The following LDB2 variants were observed in gnomAD, a reference collection of about 807,000 sequenced individuals.
The protein encoded by LDB2 is LIM domain binding 2.
In LDB2, 12 loss-of-function variants were observed where a neutral mutation model predicts 44.3. The ratio of observed to expected loss-of-function variants is 0.27; its 90% CI spans 0.17 to 0.44. The LOEUF (loss-of-function observed/expected upper bound fraction) is 0.44. LDB2 is among the 20% of genes least tolerant of loss of function. The pLI, the probability that LDB2 is intolerant of heterozygous loss-of-function variation, is 1.00. For missense variants in LDB2, 344 were observed against 473.5 expected, an observed-to-expected ratio of 0.73 and a Z score of 2.54; for synonymous variants, 164 against 174.8, an observed-to-expected ratio of 0.94 and a Z score of 0.49.
chr4:16,743,254 C>G (rs1763706117), intron 2 of LDB2, among the ~76,000 whole-genome samples: 2 of 152,102 alleles, frequency 1.3e-5, no homozygotes, highest in African/African-American at 4.8e-5. Flanking sequence ...CGCACCACTG[C>G]ACTCTAGCCT....
chr4:16,886,287 A>C (rs546898300), intron 1 of LDB2, among the ~76,000 whole-genome samples: 1 of 152,180 alleles, frequency 6.6e-6, no homozygotes, highest in Non-Finnish European at 1.5e-5. Flanking sequence ...AATAATTTTT[A>C]AAATATCTAT....
At chr4:16,870,886 G>A (rs777164550) in intron 1 of LDB2, among the ~76,000 whole-genome samples, 3 of 152,030 alleles carry the variant, frequency 2.0e-5, no homozygotes, top group Non-Finnish European at 4.4e-5. Flanking sequence ...CGCCCACCTC[G>A]GCCTCCCAAA....
rs997241687 is a variant in LDB2, at chr4:16,707,254, A to G, written c.235+51904T>C. ...AACTTTACCTGAACACTTGTGACAA[A>G]TAATAGGACTACTATCTTTCTATTA... is the stretch of plus-strand genomic sequence containing the variant. On this transcript the variant is annotated intron_variant, in intron 2 of 7. Coordinates refer to ENST00000304523, the MANE Select transcript of LDB2 (RefSeq NM_001290.5). Among the ~76,000 whole-genome samples, 5 of 152,314 alleles carry G rather than the reference A, an allele frequency of 3.3e-5. No individual in the cohort carries two copies. The East Asian group carries it at 7.7e-4, about 23-fold the overall frequency.
At chr4:16,550,245 C>T (rs75175554) in intron 5 of LDB2, among the ~76,000 whole-genome samples, 2,060 of 152,318 alleles carry the variant, frequency 0.014, 50 homozygotes, top group African/African-American at 0.047. Context: ...CTTCTTAGGT[C>T]CTACTAGAAT....
At chr4:16,504,371 ATAAT>A (rs1193796575) in intron 7 of LDB2, among the ~76,000 whole-genome samples, 7 of 152,158 alleles carry the variant, frequency 4.6e-5, no homozygotes, top group Non-Finnish European at 1.0e-4. Context: ...GTTAGGGGAG[ATAAT>A]TAATAGGTTT....
intron 5 of LDB2, among the ~76,000 whole-genome samples, chr4:16,517,456 C>G (rs1320872575): frequency 3.3e-5 from 5 of 152,154 alleles, no homozygotes; most frequent in Non-Finnish European, 7.3e-5. Flanking sequence ...CTACAAAGTG[C>G]CCACTGGACT....
At chr4:16,647,164 G>A (rs2132632) in intron 2 of LDB2, among the ~76,000 whole-genome samples, 13,062 of 152,198 alleles carry the variant, frequency 0.086, 763 homozygotes, top group East Asian at 0.28. Flanking sequence ...ACAACTTGGA[G>A]GAAACCTGAA....
chr4:16,862,626 T>C (rs1452395270), intron 1 of LDB2, among the ~76,000 whole-genome samples: 3 of 95,362 alleles, frequency 3.1e-5, no homozygotes, highest in Non-Finnish European at 5.6e-5. Context: ...AGAGTGAAAT[T>C]CCATCTCAAA....
intron 1 of LDB2, among the ~76,000 whole-genome samples, chr4:16,897,917 TA>T (rs1725650901): frequency 5.9e-5 from 1 of 16,900 alleles, no homozygotes; most frequent in African/African-American, 4.2e-4. Context: ...TATATATATA[TA>T]TATATATATA....
At chr4:16,729,002 A>G (rs1161252517) in intron 2 of LDB2, among the ~76,000 whole-genome samples, 1 of 152,206 alleles carries the variant, frequency 6.6e-6, no homozygotes, top group African/African-American at 2.4e-5. Context: ...TATTGGAAGG[A>G]CTTGGGTATA....
intron 1 of LDB2, among the ~76,000 whole-genome samples, chr4:16,886,118 C>CT (rs1721630735): frequency 6.6e-6 from 1 of 151,836 alleles, no homozygotes; most frequent in South Asian, 2.1e-4. Flanking sequence ...ACTCAGGAGG[C>CT]TGAGGCTCAA....
At chr4:16,531,397 G>C (rs953237255) in intron 5 of LDB2, among the ~76,000 whole-genome samples, 3 of 152,210 alleles carry the variant, frequency 2.0e-5, no homozygotes, top group Non-Finnish European at 4.4e-5. Context: ...TCACAATCAT[G>C]TGTGAAGGTG....
intron 2 of LDB2, among the ~76,000 whole-genome samples, chr4:16,602,776 A>G (rs973101174): frequency 6.6e-6 from 1 of 152,064 alleles, no homozygotes; most frequent in South Asian, 2.1e-4. Context: ...GTGCTAGAGA[A>G]ACAAGGATGA....
chr4:16,733,780 C>T (rs1462132848), intron 2 of LDB2, among the ~76,000 whole-genome samples: 2 of 152,160 alleles, frequency 1.3e-5, no homozygotes, highest in African/African-American at 2.4e-5. Context: ...CCTGTCTCAA[C>T]GACTGTACAC....
intron 1 of LDB2, among the ~76,000 whole-genome samples, chr4:16,827,086 T>C (rs1783189773): frequency 6.6e-6 from 1 of 152,168 alleles, no homozygotes; most frequent in South Asian, 2.1e-4. Flanking sequence ...CTATTCATCA[T>C]TACATCCTGC....
At chr4:16,759,802 T>C (rs960117519) in intron 1 of LDB2, among the ~76,000 whole-genome samples, 5 of 152,216 alleles carry the variant, frequency 3.3e-5, no homozygotes, top group Non-Finnish European at 5.9e-5. Flanking sequence ...ACACAAGCGA[T>C]TGTCACATAT....
At chr4:16,526,738 C>A (rs1728391501) in intron 5 of LDB2, among the ~76,000 whole-genome samples, 1 of 152,150 alleles carries the variant, frequency 6.6e-6, no homozygotes, top group Admixed American at 6.5e-5. Flanking sequence ...CCTCTAGAAG[C>A]TGGGAAAGAC....
At chr4:16,809,831 A>G (rs1779484356) in intron 1 of LDB2, among the ~76,000 whole-genome samples, 1 of 152,198 alleles carries the variant, frequency 6.6e-6, no homozygotes, top group Non-Finnish European at 1.5e-5. Context: ...TTGATGTGTC[A>G]ATGCATGTTG....
intron 2 of LDB2, among the ~76,000 whole-genome samples, chr4:16,680,569 C>T (rs894501089): frequency 2.0e-5 from 3 of 152,288 alleles, no homozygotes; most frequent in East Asian, 1.9e-4. Flanking sequence ...AAAAACTTTC[C>T]GTCTAGTTTA....
Sources: allele counts gnomAD v4.1 joint callset (sites outside exome capture counted in the v4.1 genomes callset), GRCh38; gene constraint gnomAD v4.1.1; transcripts MANE v1.5; gene names NCBI Gene and HGNC (gene_info 2026-07-23, HGNC 2026-07-21).